KIF1A: variants seen among roughly 807,000 people sequenced by gnomAD.
KIF1A encodes kinesin family member 1A, also known as kinesin-like protein KIF1A.
A neutral mutation model predicts 227.3 loss-of-function variants in KIF1A; 46 were observed. The observed-to-expected ratio is 0.20, with a 90% CI of 0.16 to 0.26. KIF1A has a LOEUF of 0.26. KIF1A is among the 10% of genes least tolerant of loss of function. The pLI is 1.00. For synonymous variants in KIF1A, 1,022 were observed against 1,012.8 expected (o/e 1.01, Z -0.17); for missense variants, 1,683 against 2,485.9 (o/e 0.68, Z 6.87).
At chr2:240,741,965 T>G (rs2048024155) in intron 34 of KIF1A, among the ~76,000 whole-genome samples, 1 of 152,202 alleles carries the variant, frequency 6.6e-6, no homozygotes, top group Non-Finnish European at 1.5e-5. Flanking sequence ...CAGGTCCTCT[T>G]CTAGCAAGTC....
At chr2:240,732,100 A>G (rs1255028650) in intron 38 of KIF1A, among the ~76,000 whole-genome samples, 10 of 20,278 alleles carry the variant, frequency 4.9e-4, no homozygotes, top group Non-Finnish European at 8.1e-4. Context: ...AGGGGAGGAG[A>G]GAATGAGGGG....
In KIF1A at chr2:240,736,754, C is replaced by G. The variant is rs566375337; in HGVS notation, c.4007+309G>C. 6.7e-4 allele frequency among the ~76,000 whole-genome samples: 102 copies of G among 152,360 alleles called. No homozygotes were observed. Among genetic ancestry groups the G allele is most frequent in the Non-Finnish European group, 9.8e-4 (67 of 68,036 alleles). On this transcript the variant is annotated intron_variant, in intron 38 of 48. Coordinates refer to ENST00000498729, the MANE Select transcript of KIF1A (RefSeq NM_001244008.2). This position sits in a 1 kb window ranked among gnomAD's most constrained non-coding sequence, Gnocchi z 4.7. ...GGACATACAGCCACTTGTCCCCACA[C>G]CACGCAACCACAAAACTCCCGAGGA...
chr2:240,797,074 G>A (rs933783873), intron 2 of KIF1A, among the ~76,000 whole-genome samples: 2 of 152,214 alleles, frequency 1.3e-5, no homozygotes, highest in African/African-American at 2.4e-5. Context: ...AGTTGCAGCT[G>A]CACCAGAGGC....
chr2:240,785,900 G>C (rs2054679238), intron 6 of KIF1A, among the ~76,000 whole-genome samples: 1 of 152,134 alleles, frequency 6.6e-6, no homozygotes, highest in Admixed American at 6.5e-5. Context: ...CCAGGCAGGA[G>C]GCCCAGGGCA....
At position 240,775,203 on chromosome 2, in the gene KIF1A, G is replaced by A. The variant is rs2052578164; in HGVS notation, c.958+648C>T. On this transcript the variant is annotated intron_variant, in intron 11 of 48. Transcript: ENST00000498729. This position sits in a 1 kb window ranked among gnomAD's most constrained non-coding sequence, Gnocchi z 5.5. ...AGCATGGCTAGTTGTGGGGTGCAGA[G>A]GTGGTCAGCCAGGGCTCTGCACACC... Among the ~76,000 whole-genome samples the A allele has an allele frequency of 6.6e-6, 1 of 152,224 alleles. No homozygotes were observed. Among genetic ancestry groups the A allele is most frequent in the African/African-American group, 2.4e-5 (1 of 41,452 alleles).
intron 46 of KIF1A, 58 bp from the exon 47 acceptor site, chr2:240,719,256 G>A: frequency 6.5e-7 from 1 of 1,544,468 alleles, no homozygotes; most frequent in Non-Finnish European, 8.8e-7. Context: ...ACTGACTCGG[G>A]CACTCACCAT....
chr2:240,798,811 T>C (rs1212723693), intron 1 of KIF1A, among the ~76,000 whole-genome samples: 1 of 152,194 alleles, frequency 6.6e-6, no homozygotes, highest in Non-Finnish European at 1.5e-5. Context: ...GTTACAGGAA[T>C]GGCCAGAACT....
At position 240,736,967 on chromosome 2, in the gene KIF1A, T is replaced by A. The variant is rs924771175; in HGVS notation, c.4007+96A>T. The A allele has an allele frequency of 2.0e-6, 2 of 998,232 alleles. No homozygotes were observed. Among genetic ancestry groups the A allele is most frequent in the Admixed American group, 3.5e-5 (2 of 57,424 alleles). The allele number at this position is 998,232 out of a possible 1,614,324, so 61.8% of individuals were successfully genotyped here. Reference sequence around the variant, plus strand: ...GAGGGCCGGGAGAGCGTTGAGCGGGTCACCTTGTGTGGCTGAACCCTGTGC... The same window carrying A: ...GAGGGCCGGGAGAGCGTTGAGCGGGACACCTTGTGTGGCTGAACCCTGTGC... On this transcript the variant is annotated intron_variant, in intron 38 of 48. Transcript: ENST00000498729. The surrounding 1 kb of genome is among the most constrained non-coding windows in gnomAD (Gnocchi z 4.7).
chr2:240,807,084 G>A (rs62187838), intron 1 of KIF1A, among the ~76,000 whole-genome samples: 57,790 of 115,588 alleles, frequency 0.5, 12,720 homozygotes, highest in African/African-American at 0.65. Flanking sequence ...ATATATGTGT[G>A]TGTGTGTGTG....
Position 240,763,009 on chromosome 2 carries a change from C to T in KIF1A, c.2022+10G>A, listed in dbSNP as rs763816679. On this transcript the variant is annotated intron_variant, in intron 22 of 48. Coordinates refer to ENST00000498729, the MANE Select transcript of KIF1A (RefSeq NM_001244008.2). Reference sequence around the variant, plus strand: ...GGGCTGGGCAGGGAGGGCGGGGCCACGTCACTCACCAGCCGCTGCTGCTCC... The same window carrying T: ...GGGCTGGGCAGGGAGGGCGGGGCCATGTCACTCACCAGCCGCTGCTGCTCC... The T allele has an allele frequency of 8.8e-6, 13 of 1,485,248 alleles. No homozygotes were observed. Among genetic ancestry groups the T allele is most frequent in the African/African-American group, 1.4e-5 (1 of 72,178 alleles). The allele number at this position is 1,485,248 out of a possible 1,614,324, so 92.0% of individuals were successfully genotyped here. A position where few individuals can be genotyped will look rare whatever the true frequency, so the allele number is the denominator to read the frequency against.
intron 1 of KIF1A, among the ~76,000 whole-genome samples, chr2:240,803,393 C>G (rs1575662500): frequency 1.3e-5 from 2 of 152,306 alleles, no homozygotes; most frequent in East Asian, 3.9e-4. Flanking sequence ...AGGAGGTCAC[C>G]AAGGCTTGCC....
At position 240,790,235 on chromosome 2, in the gene KIF1A, G is replaced by A. The variant is rs2055493416; in HGVS notation, c.107-923C>T. On this transcript the variant is annotated intron_variant, in intron 2 of 48. Coordinates refer to ENST00000498729, the MANE Select transcript of KIF1A (RefSeq NM_001244008.2). This position sits in a 1 kb window ranked among gnomAD's most constrained non-coding sequence, Gnocchi z 5.0. ...GAATTGGTGTTGACAGAGGCCTGGAGGCCTGAGGCAGTCCCCTCCCAGGTT... is the reference window on the plus strand; with the variant it reads ...GAATTGGTGTTGACAGAGGCCTGGAAGCCTGAGGCAGTCCCCTCCCAGGTT... 6.6e-6 allele frequency among the ~76,000 whole-genome samples: 1 copy of A among 152,198 alleles called. No homozygotes were observed. Among genetic ancestry groups the A allele is most frequent in the South Asian group, 2.1e-4 (1 of 4,834 alleles).
intron 27 of KIF1A, among the ~76,000 whole-genome samples, chr2:240,751,043 T>C (rs1027042718): frequency 6.6e-6 from 1 of 151,166 alleles, no homozygotes; most frequent in Non-Finnish European, 1.5e-5. Flanking sequence ...CCGAGGTGAG[T>C]TGGCCAAGAT....
At chr2:240,720,840 T>G in intron 45 of KIF1A, 74 bp downstream of exon 45, 2 of 1,470,306 alleles carry the variant, frequency 1.4e-6, no homozygotes, top group South Asian at 1.4e-5. Context: ...GTGCTCTCTG[T>G]GCCCGAGTCA....
At chr2:240,810,539 C>T (rs1559547966) in intron 1 of KIF1A, among the ~76,000 whole-genome samples, 2 of 152,118 alleles carry the variant, frequency 1.3e-5, no homozygotes, top group East Asian at 3.8e-4. Flanking sequence ...GACCTTGTGC[C>T]CCAGCAACTC....
Position 240,792,507 on chromosome 2 carries a change from C to A in KIF1A, c.107-3195G>T, listed in dbSNP as rs922228807. Reference sequence around the variant, plus strand: ...GCCTGCAAAGGACTGGACACCGAGACGACAGAGACAGCGGGGGGAGGGTTG... The same window carrying A: ...GCCTGCAAAGGACTGGACACCGAGAAGACAGAGACAGCGGGGGGAGGGTTG... On this transcript the variant is annotated intron_variant, in intron 2 of 48. Coordinates refer to ENST00000498729, the MANE Select transcript of KIF1A (RefSeq NM_001244008.2). This position sits in a 1 kb window ranked among gnomAD's most constrained non-coding sequence, Gnocchi z 4.5. Among the ~76,000 whole-genome samples the A allele has an allele frequency of 6.6e-6, 1 of 151,322 alleles. No individual in the cohort carries two copies. Among genetic ancestry groups the A allele is most frequent in the Non-Finnish European group, 1.5e-5 (1 of 67,808 alleles).
chr2:240,813,037 C>A (rs923792008), intron 1 of KIF1A, among the ~76,000 whole-genome samples: 1 of 150,414 alleles, frequency 6.6e-6, no homozygotes, highest in Non-Finnish European at 1.5e-5. Context: ...CCTCAAGGAT[C>A]CACTTGCTCC....
chr2:240,721,146 C>A, intron 44 of KIF1A, 108 bp from the exon 45 acceptor site: 2 of 1,376,494 alleles, frequency 1.5e-6, no homozygotes, highest in Non-Finnish European at 2.0e-6. Flanking sequence ...GCTTAGGGCA[C>A]CCCACCCCTC....
At position 240,766,745 on chromosome 2, in the gene KIF1A, T is replaced by TCACACACACACACACACACA. The variant is rs1263248431; in HGVS notation, c.1684+169_1684+170insTGTGTGTGTGTGTGTGTGTG. Among the ~76,000 whole-genome samples the TCACACACACACACACACACA allele has an allele frequency of 3.6e-4, 46 of 127,048 alleles. No homozygotes were observed. The highest frequency in any genetic ancestry group is 3.4e-3 in the Admixed American group (44 of 12,874). The allele number at this position is 127,048 out of a possible 152,430, so 83.3% of individuals were successfully genotyped here. ...AAATCTCTCTCTCTCTCTCTCTCTC[T>TCACACACACACACACACACA]CTCTCACACACACACACACACACAC... On this transcript the variant is annotated intron_variant, in intron 19 of 48. Coordinates refer to ENST00000498729, the MANE Select transcript of KIF1A (RefSeq NM_001244008.2). The surrounding 1 kb of genome is among the most constrained non-coding windows in gnomAD (Gnocchi z 5.0).
Sources: gnomAD v4.1 joint callset for allele counts (sites outside exome capture counted in the v4.1 genomes callset) on GRCh38, gnomAD v4.1.1 for gene constraint, Gnocchi (gnomAD v3.1) non-coding constraint, MANE v1.5 for transcripts, NCBI Gene and HGNC (gene_info 2026-07-23, HGNC 2026-07-21) for gene names.